MOSMO: variants seen among roughly 807,000 people sequenced by gnomAD.
The protein encoded by MOSMO is modulator of smoothened, also known as modulator of smoothened protein.
Under a neutral mutation model 18.4 loss-of-function variants are expected in MOSMO, and 5 were observed. The ratio of observed to expected loss-of-function variants is 0.27; its 90% confidence interval spans 0.14 to 0.57. The LOEUF (loss-of-function observed/expected upper bound fraction) is 0.57, where lower values mean the gene tolerates loss of function less well. MOSMO is among the 20% of genes least tolerant of loss of function. MOSMO has a pLI of 0.92. For synonymous variants in MOSMO, 82 were observed against 82.3 expected, an observed-to-expected ratio of 1.00 and a Z score of 0.02; for missense variants, 138 against 211.8, an observed-to-expected ratio of 0.65 and a Z score of 2.16.
chr16:22,043,579 T>G (rs924141115), intron 1 of MOSMO, among the ~76,000 whole-genome samples: 5 of 152,122 alleles, frequency 3.3e-5, no homozygotes, highest in Non-Finnish European at 7.3e-5. Context: ...ATTCATTAAT[T>G]AAATTAAACA....
At chr16:22,010,025 C>A (rs1899491612) in intron 1 of MOSMO, among the ~76,000 whole-genome samples, 1 of 151,864 alleles carries the variant, frequency 6.6e-6, no homozygotes, top group Non-Finnish European at 1.5e-5. Flanking sequence ...ACTGTGCTGT[C>A]AAAACTTAAT....
the MOSMO span, chr16:22,092,609 G>C: frequency 6.5e-7 from 1 of 1,550,236 alleles, no homozygotes; most frequent in East Asian, 2.4e-5. Context: ...GGAGTGCCAG[G>C]AGCCCTTCTC....
intron 2 of MOSMO, among the ~76,000 whole-genome samples, chr16:22,078,824 T>C (rs923945238): frequency 9.2e-5 from 14 of 152,196 alleles, no homozygotes; most frequent in Admixed American, 8.5e-4. Context: ...TAAGTGGGCA[T>C]TGGCAGCACT....
chr16:22,045,184 CAAA>C (rs1207459889), intron 1 of MOSMO, among the ~76,000 whole-genome samples: 3 of 115,966 alleles, frequency 2.6e-5, no homozygotes, highest in Non-Finnish European at 1.8e-5. Context: ...GACATTGTCT[CAAA>C]AAAAAAAAAA....
intron 1 of MOSMO, among the ~76,000 whole-genome samples, chr16:22,040,601 A>G (rs1293446531): frequency 6.6e-6 from 1 of 152,202 alleles, no homozygotes; most frequent in East Asian, 1.9e-4. Context: ...GCATACACTG[A>G]TGGGCAGTAA....
At chr16:22,047,241 T>A (rs1900328571) in intron 1 of MOSMO, among the ~76,000 whole-genome samples, 1 of 142,030 alleles carries the variant, frequency 7.0e-6, no homozygotes, top group South Asian at 2.3e-4. Context: ...CACCATAATT[T>A]TTTTTTTTTT....
At chr16:22,008,459 A>C in intron 1 of MOSMO, 52 bp downstream of exon 1, 2 of 1,289,918 alleles carry the variant, frequency 1.6e-6, no homozygotes, top group Non-Finnish European at 2.1e-6. Flanking sequence ...GGGCGACGCG[A>C]GAGAGGGGAG....
At position 22,008,129 on chromosome 16, in the gene MOSMO, C is replaced by A; in HGVS notation, c.-173C>A. 6.8e-6 allele frequency: 1 copy of A among 148,146 alleles called. No homozygotes were observed. The highest frequency in any genetic ancestry group is 1.5e-5 in the Non-Finnish European group (1 of 67,488). The allele number at this position is 148,146 out of a possible 1,614,324, so 9.2% of individuals were successfully genotyped here. A position where few individuals can be genotyped will look rare whatever the true frequency, so the allele number is the denominator to read the frequency against. ...GGGCGGCGGTTCCGTCTGTGCGGGCCGCGCCGCGGCTGCTGGTCCCGGGCG... is the reference window on the plus strand; with the variant it reads ...GGGCGGCGGTTCCGTCTGTGCGGGCAGCGCCGCGGCTGCTGGTCCCGGGCG... On this transcript the variant is annotated 5_prime_UTR_variant, in exon 1 of 3. Transcript: ENST00000542527.
chr16:22,070,650 T>A (rs1367400574), intron 1 of MOSMO, among the ~76,000 whole-genome samples: 1 of 152,228 alleles, frequency 6.6e-6, no homozygotes, highest in Non-Finnish European at 1.5e-5. Context: ...TTCTTTGATT[T>A]ACCTGTTCAC....
chr16:22,047,238 A>ATTTTT (rs770005970), intron 1 of MOSMO, among the ~76,000 whole-genome samples: 4 of 110,818 alleles, frequency 3.6e-5, no homozygotes, highest in East Asian at 2.6e-4. Flanking sequence ...ATGCACCATA[A>ATTTTT]TTTTTTTTTT....
intron 1 of MOSMO, chr16:22,064,530 T>A: frequency 2.3e-6 from 1 of 429,400 alleles, no homozygotes; most frequent in South Asian, 1.6e-5. Flanking sequence ...TAATTTAAAT[T>A]CCATTTTAAC....
In MOSMO at chr16:22,080,885, T is replaced by C; in HGVS notation, c.*5T>C. The C allele has an allele frequency of 7.6e-7, 1 of 1,311,984 alleles. No individual in the cohort carries two copies. Among genetic ancestry groups the C allele is most frequent in the Non-Finnish European group, 9.9e-7 (1 of 1,012,774 alleles). The allele number at this position is 1,311,984 out of a possible 1,614,324, so 81.3% of individuals were successfully genotyped here. A position where few individuals can be genotyped will look rare whatever the true frequency, so the allele number is the denominator to read the frequency against. Reference sequence around the variant, plus strand: ...AAAGTTTGTTTACCAGGCTGATGAATGTCTAAATTGCTTGACTCTTATTAT... The same window carrying C: ...AAAGTTTGTTTACCAGGCTGATGAACGTCTAAATTGCTTGACTCTTATTAT... On this transcript the variant is annotated 3_prime_UTR_variant, in exon 3 of 3. Coordinates refer to ENST00000542527, the MANE Select transcript of MOSMO (RefSeq NM_001164579.2).
At chr16:22,061,295 C>G (rs1290803494) in intron 1 of MOSMO, among the ~76,000 whole-genome samples, 1 of 152,158 alleles carries the variant, frequency 6.6e-6, no homozygotes, top group Non-Finnish European at 1.5e-5. Context: ...CCTCAGTAAA[C>G]CTAATGTCAG....
chr16:22,090,599 A>G (rs755022703), downstream of MOSMO, among the ~76,000 whole-genome samples: 3 of 152,362 alleles, frequency 2.0e-5, no homozygotes, highest in South Asian at 6.2e-4. Context: ...AAGAAAGAAA[A>G]CAAAACAAAT....
intron 1 of MOSMO, among the ~76,000 whole-genome samples, chr16:22,072,568 T>C (rs1237878207): frequency 1.3e-5 from 2 of 152,086 alleles, no homozygotes; most frequent in Non-Finnish European, 2.9e-5. Context: ...TCCCAGCAGT[T>C]TGGGAGGCCG....
In MOSMO at chr16:22,047,306, A is replaced by G. The variant is rs963448362; in HGVS notation, c.107-28181A>G. On this transcript the variant is annotated intron_variant, in intron 1 of 2. Transcript: ENST00000542527. ...GTCGCCAAGGCTGGAGTGCAGTGGC[A>G]CAATCTCGGCTCACTGCAAGCTCCG... 3.5e-5 allele frequency among the ~76,000 whole-genome samples: 5 copies of G among 141,770 alleles called. No homozygotes were observed. The East Asian group carries it at 1.0e-3, about 29-fold the overall frequency. 93.0% of individuals were successfully genotyped at this position (141,770 alleles called of 152,430 possible).
chr16:22,052,082 T>C (rs919393595), intron 1 of MOSMO, among the ~76,000 whole-genome samples: 2 of 152,210 alleles, frequency 1.3e-5, no homozygotes, highest in Non-Finnish European at 2.9e-5. Context: ...TTCTAGGAAT[T>C]TATTCTACGG....
intron 1 of MOSMO, among the ~76,000 whole-genome samples, chr16:22,066,656 C>G (rs1900753596): frequency 6.6e-6 from 1 of 152,172 alleles, no homozygotes; most frequent in Non-Finnish European, 1.5e-5. Context: ...CTTATTCTAA[C>G]CATTAGCTGA....
chr16:22,025,775 C>T (rs1037516619), intron 1 of MOSMO, among the ~76,000 whole-genome samples: 3 of 152,168 alleles, frequency 2.0e-5, no homozygotes, highest in East Asian at 3.8e-4. Flanking sequence ...GTTGAAGAAG[C>T]ATATTCAAAG....
Sources: allele counts gnomAD v4.1 joint callset (sites outside exome capture counted in the v4.1 genomes callset), GRCh38; gene constraint gnomAD v4.1.1; transcripts MANE v1.5; gene names NCBI Gene and HGNC (gene_info 2026-07-23, HGNC 2026-07-21).